The following RBFOX1 variants were observed in gnomAD, a reference collection of about 807,000 sequenced individuals.
RBFOX1 encodes the protein RNA binding protein fox-1 homolog 1.
RBFOX1 carries 8 observed loss-of-function variants against 57.7 expected under a neutral mutation model. That is an observed-to-expected ratio of 0.14 (90% confidence interval 0.08 to 0.25). The LOEUF (loss-of-function observed/expected upper bound fraction) is 0.25. Among genes scored for constraint, RBFOX1 ranks in the 10% least tolerant of loss-of-function variants. RBFOX1 has a pLI of 1.00. For missense variants in RBFOX1, 611 were observed against 548.5 expected, an observed-to-expected ratio of 1.11 and a Z score of -1.14; for synonymous variants, 326 against 222.4, an observed-to-expected ratio of 1.47 and a Z score of -4.15.
chr16:6,796,189 C>T (rs1481249139), intron 3 of RBFOX1, among the ~76,000 whole-genome samples: 1 of 152,062 alleles, frequency 6.6e-6, no homozygotes, highest in Non-Finnish European at 1.5e-5. Flanking sequence ...GGGAAACTCC[C>T]ATTTTTTAAA....
chr16:5,530,296 C>T (rs1329293405), intron 2 of RBFOX1, among the ~76,000 whole-genome samples: 1 of 152,176 alleles, frequency 6.6e-6, no homozygotes, highest in African/African-American at 2.4e-5. Flanking sequence ...TCTTTTGTGC[C>T]TGGCCTTTCT....
At chr16:7,609,294 T>A (rs1020292097) in intron 10 of RBFOX1, among the ~76,000 whole-genome samples, 1 of 152,160 alleles carries the variant, frequency 6.6e-6, no homozygotes, top group African/African-American at 2.4e-5. Flanking sequence ...CATTTTTACA[T>A]TTTTCTGGTC....
chr16:6,946,657 C>T lies in RBFOX1; in HGVS notation c.-15-105400C>T, dbSNP rs149106577. Among the ~76,000 whole-genome samples, 511 of 145,232 alleles carry T rather than the reference C, an allele frequency of 3.5e-3. 5 individuals carry two copies. The highest frequency in any genetic ancestry group is 0.012 in the African/African-American group (475 of 39,812). On this transcript the variant is annotated intron_variant, in intron 3 of 15. Coordinates refer to ENST00000550418, the MANE Select transcript of RBFOX1 (RefSeq NM_018723.4). ...TGGTTCAGTCACCCAGGCTGGAGTG[C>T]GGTAGTGAGATCACAGTTCACTGCA...
intron 1 of RBFOX1, among the ~76,000 whole-genome samples, chr16:5,274,830 C>A (rs1427604117): frequency 6.6e-6 from 1 of 152,164 alleles, no homozygotes; most frequent in African/African-American, 2.4e-5. Flanking sequence ...CCTCTGTTTC[C>A]CTTTCTGCCT....
intron 1 of RBFOX1, among the ~76,000 whole-genome samples, chr16:5,339,814 G>A (rs1373969238): frequency 6.6e-6 from 1 of 152,024 alleles, no homozygotes; most frequent in Non-Finnish European, 1.5e-5. Context: ...GTGCAGCCAA[G>A]GATTCTTGGG....
At chr16:5,949,768 A>AC (rs1416391790) in intron 4 of RBFOX1, among the ~76,000 whole-genome samples, 1 of 152,032 alleles carries the variant, frequency 6.6e-6, no homozygotes, top group East Asian at 1.9e-4. Flanking sequence ...TTAATTCATC[A>AC]CCCCGAATAT....
chr16:6,581,364 T>A (rs192661004), intron 2 of RBFOX1, among the ~76,000 whole-genome samples: 247 of 152,274 alleles, frequency 1.6e-3, no homozygotes, highest in African/African-American at 5.5e-3. Context: ...AGATGGTGGT[T>A]ATTTGTTTGA....
At chr16:5,888,270 C>A (rs2057949680) in intron 4 of RBFOX1, among the ~76,000 whole-genome samples, 1 of 152,166 alleles carries the variant, frequency 6.6e-6, no homozygotes, top group Admixed American at 6.6e-5. Flanking sequence ...TGTGGGCCAC[C>A]TTTTCTCCAG....
Position 7,543,446 on chromosome 16 carries a change from C to A in RBFOX1, c.270+25057C>A, listed in dbSNP as rs567947177. On this transcript the variant is annotated intron_variant, in intron 5 of 15. Coordinates refer to ENST00000550418, the MANE Select transcript of RBFOX1 (RefSeq NM_018723.4). ...CAAGGACTGGGTGGGTTCTAGGCAC[C>A]TGTCCCTTGTAACACCTGAATTGGA... Among the ~76,000 whole-genome samples, 15 of 152,280 alleles carry A rather than the reference C, an allele frequency of 9.9e-5. 1 individual carries two copies. In the South Asian group the frequency reaches 3.1e-3, roughly 32 times the overall value.
intron 1 of RBFOX1, among the ~76,000 whole-genome samples, chr16:6,035,044 G>C (rs1250427868): frequency 5.3e-5 from 8 of 150,922 alleles, no homozygotes; most frequent in African/African-American, 7.3e-5. Context: ...ATAATTATCT[G>C]TTGTGCAGGC....
intron 3 of RBFOX1, among the ~76,000 whole-genome samples, chr16:6,981,552 G>A (rs11859005): frequency 0.026 from 3,929 of 152,232 alleles, 169 homozygotes; most frequent in African/African-American, 0.089. Flanking sequence ...TATAAAGGAA[G>A]AAGATTAAAT....
chr16:5,520,170 G>C (rs985911727), intron 2 of RBFOX1, among the ~76,000 whole-genome samples: 1 of 152,158 alleles, frequency 6.6e-6, no homozygotes, highest in East Asian at 1.9e-4. Context: ...GGCTATTGTG[G>C]CTGGAGAGAG....
chr16:5,414,995 G>C (rs1008353), intron 1 of RBFOX1, among the ~76,000 whole-genome samples: 1 of 151,874 alleles, frequency 6.6e-6, no homozygotes, highest in Non-Finnish European at 1.5e-5. Context: ...TGTGTTTTCC[G>C]TGTGCCAGGT....
intron 4 of RBFOX1, among the ~76,000 whole-genome samples, chr16:5,917,129 G>T (rs574437400): frequency 6.6e-6 from 1 of 152,068 alleles, no homozygotes; most frequent in Non-Finnish European, 1.5e-5. Flanking sequence ...TTTCCTTCCT[G>T]TTCCTCTGCT....
intron 2 of RBFOX1, among the ~76,000 whole-genome samples, chr16:5,486,181 G>A (rs180676025): frequency 6.6e-6 from 1 of 152,156 alleles, no homozygotes; most frequent in Non-Finnish European, 1.5e-5. Context: ...GCCTCCCCTA[G>A]GAAGTCCTGG....
chr16:7,136,142 T>G (rs1019970987), intron 4 of RBFOX1, among the ~76,000 whole-genome samples: 5 of 152,170 alleles, frequency 3.3e-5, no homozygotes, highest in South Asian at 2.1e-4. Flanking sequence ...TTTTCCACAG[T>G]AAATGGAAAG....
rs537293692 is a variant in RBFOX1 at position 7,166,972 on chromosome 16, C to CTTTTTTTT, written c.27+114902_27+114909dup. On this transcript the variant is annotated intron_variant, in intron 4 of 15. Coordinates refer to ENST00000550418, the MANE Select transcript of RBFOX1 (RefSeq NM_018723.4). ...AGCCCCAGATTGCTGCATTGGTGTTCTTTTTTTTTTTTTTTTTTTTTTTTT... is the reference window on the plus strand; with the variant it reads ...AGCCCCAGATTGCTGCATTGGTGTTCTTTTTTTTTTTTTTTTTTTTTTTTTTTTTTTTT... Among the ~76,000 whole-genome samples, 271 of 49,068 alleles carry CTTTTTTTT rather than the reference C, an allele frequency of 5.5e-3. 13 individuals are homozygous for CTTTTTTTT. The highest frequency in any genetic ancestry group is 0.017 in the Middle Eastern group (1 of 58). The allele number at this position is 49,068 out of a possible 152,430, so 32.2% of individuals were successfully genotyped here.
At chr16:7,568,277 G>A (rs1250648422) in intron 5 of RBFOX1, among the ~76,000 whole-genome samples, 1 of 152,146 alleles carries the variant, frequency 6.6e-6, no homozygotes, top group Non-Finnish European at 1.5e-5. Context: ...TAAACAAGGG[G>A]TGGATTATTC....
chr16:7,130,633 T>C (rs982860949), intron 4 of RBFOX1, among the ~76,000 whole-genome samples: 1 of 152,196 alleles, frequency 6.6e-6, no homozygotes, highest in African/African-American at 2.4e-5. Context: ...ATGTAGGTTT[T>C]ATAGCCAATG....
Sources: gnomAD v4.1 joint callset for allele counts (sites outside exome capture counted in the v4.1 genomes callset) on GRCh38, gnomAD v4.1.1 for gene constraint, MANE v1.5 for transcripts, NCBI Gene and HGNC (gene_info 2026-07-23, HGNC 2026-07-21) for gene names.